PPP2R2B: variants seen among roughly 807,000 people sequenced by gnomAD.
The protein encoded by PPP2R2B is protein phosphatase 2 regulatory subunit Bbeta.
In PPP2R2B, 5 loss-of-function variants were observed where a neutral mutation model predicts 46.0. That is an observed-to-expected ratio of 0.11 (90% CI 0.06 to 0.23). The LOEUF is 0.23. Among genes scored for constraint, PPP2R2B ranks in the 10% least tolerant of loss-of-function variants. The probability of loss-of-function intolerance (pLI) is 1.00; values close to 1 mark genes in which losing one functional copy is unlikely to be tolerated. For synonymous variants in PPP2R2B, 215 were observed against 206.7 expected, an observed-to-expected ratio of 1.04 and a Z score of -0.34; for missense variants, 367 against 575.0, an observed-to-expected ratio of 0.64 and a Z score of 3.70.
At chr5:146,751,791 T>C (rs1220347200) in intron 2 of PPP2R2B, among the ~76,000 whole-genome samples, 1 of 152,146 alleles carries the variant, frequency 6.6e-6, no homozygotes, top group African/African-American at 2.4e-5. Context: ...GCAGGTCTTC[T>C]GGTGAACATA....
chr5:146,649,128 G>T (rs144604744), intron 6 of PPP2R2B, among the ~76,000 whole-genome samples: 2 of 152,176 alleles, frequency 1.3e-5, no homozygotes, highest in African/African-American at 4.8e-5. Flanking sequence ...AGTGTAGGTA[G>T]GTAGATAGGG....
chr5:146,867,975 T>A (rs924332878), intron 2 of PPP2R2B, among the ~76,000 whole-genome samples: 8 of 152,180 alleles, frequency 5.3e-5, no homozygotes, highest in Non-Finnish European at 2.9e-5. Context: ...CCATGGAGTA[T>A]AAAATAACAG....
chr5:146,925,214 C>A (rs920829556), intron 1 of PPP2R2B, among the ~76,000 whole-genome samples: 1 of 152,164 alleles, frequency 6.6e-6, no homozygotes, highest in Non-Finnish European at 1.5e-5. Context: ...ATCTTTTATA[C>A]TAACATAGTT....
At chr5:146,657,719 A>G (rs1031461726) in intron 5 of PPP2R2B, among the ~76,000 whole-genome samples, 1 of 152,160 alleles carries the variant, frequency 6.6e-6, no homozygotes. Flanking sequence ...TCAAGGCCCC[A>G]TAGACGACCC....
intron 1 of PPP2R2B, among the ~76,000 whole-genome samples, chr5:146,934,582 A>AG (rs1764078820): frequency 7.4e-6 from 1 of 135,020 alleles, no homozygotes; most frequent in Non-Finnish European, 1.6e-5. Flanking sequence ...GTTTTTCATA[A>AG]GAAAAAAAAA....
chr5:146,799,468 A>G (rs161039), intron 2 of PPP2R2B, among the ~76,000 whole-genome samples: 44,918 of 152,072 alleles, frequency 0.3, 7,376 homozygotes, highest in East Asian at 0.62. Flanking sequence ...CAAAATATAC[A>G]GTTTTGTAAG....
At chr5:146,756,701 T>C (rs1251634408) in intron 2 of PPP2R2B, among the ~76,000 whole-genome samples, 1 of 152,242 alleles carries the variant, frequency 6.6e-6, no homozygotes, top group Non-Finnish European at 1.5e-5. Flanking sequence ...AGTACCAGCA[T>C]CACATGGTTT....
chr5:146,876,746 T>A (rs1473690753), intron 2 of PPP2R2B, among the ~76,000 whole-genome samples: 1 of 152,162 alleles, frequency 6.6e-6, no homozygotes, highest in Non-Finnish European at 1.5e-5. Context: ...CTTGATGCTC[T>A]CCAAAAATGA....
rs569017484 is a variant in PPP2R2B at position 146,707,603 on chromosome 5, G to A, written c.71-6461C>T. Reference sequence around the variant, plus strand: ...CTTCTGCACCCTGATGGACATGGTGGAGGCAGGAGTGGAGGCAGGCGGGCT... The same window carrying A: ...CTTCTGCACCCTGATGGACATGGTGAAGGCAGGAGTGGAGGCAGGCGGGCT... On this transcript the variant is annotated intron_variant, in intron 2 of 9. Transcript: ENST00000394411. The A allele has an allele frequency of 2.4e-5, 16 of 658,242 alleles. No individual in the cohort carries two copies. The South Asian group carries it at 2.8e-4, about 11-fold the overall frequency. 40.8% of individuals were successfully genotyped at this position (658,242 alleles called of 1,614,324 possible).
At chr5:147,038,022 G>T (rs1022408642) in intron 1 of PPP2R2B, among the ~76,000 whole-genome samples, 1 of 152,074 alleles carries the variant, frequency 6.6e-6, no homozygotes, top group South Asian at 2.1e-4. Flanking sequence ...TGCCCTCCTG[G>T]GTCACGGAGA....
Position 147,079,399 on chromosome 5 carries a change from AATAT to A in PPP2R2B, c.50+1656_50+1659del, listed in dbSNP as rs1405786818. On this transcript the variant is annotated intron_variant, in intron 2 of 10. Coordinates refer to the PPP2R2B transcript ENST00000394413. ...ATATGTGATATAAAATGGGATATAT[AATAT>A]ATATAATATACACACAAACACACAC... Among the ~76,000 whole-genome samples the A allele has an allele frequency of 3.5e-5, 5 of 143,808 alleles. 1 individual carries two copies. In the East Asian group the frequency reaches 1.0e-3, roughly 29 times the overall value. The allele number at this position is 143,808 out of a possible 152,430, so 94.3% of individuals were successfully genotyped here. A position where few individuals can be genotyped will look rare whatever the true frequency, so the allele number is the denominator to read the frequency against.
chr5:146,710,220 C>T (rs982244853), intron 2 of PPP2R2B, among the ~76,000 whole-genome samples: 2 of 152,170 alleles, frequency 1.3e-5, no homozygotes, highest in African/African-American at 4.8e-5. Flanking sequence ...GGGACCTAGC[C>T]ACACCCTCTT....
intron 1 of PPP2R2B, chr5:147,054,706 A>G (rs1427930336): frequency 4.4e-6 from 2 of 456,192 alleles, no homozygotes; most frequent in African/African-American, 2.0e-5. Context: ...GCTGGTCGCC[A>G]GCTCAGTTCC....
At chr5:146,681,380 A>G (rs1446022019) in intron 5 of PPP2R2B, among the ~76,000 whole-genome samples, 1 of 152,198 alleles carries the variant, frequency 6.6e-6, no homozygotes, top group Non-Finnish European at 1.5e-5. Flanking sequence ...GTTGTATGCC[A>G]TGTACATGCC....
At chr5:146,736,523 C>A (rs577501141) in intron 2 of PPP2R2B, among the ~76,000 whole-genome samples, 1 of 152,248 alleles carries the variant, frequency 6.6e-6, no homozygotes, top group South Asian at 2.1e-4. Flanking sequence ...GACATCCAAA[C>A]CTCATATGTC....
At chr5:147,070,418 A>G (rs1404389827) in intron 2 of PPP2R2B, among the ~76,000 whole-genome samples, 1 of 152,234 alleles carries the variant, frequency 6.6e-6, no homozygotes, top group Non-Finnish European at 1.5e-5. Flanking sequence ...GCAAAAAACC[A>G]GGAACCACCC....
At chr5:147,033,294 A>T (rs1162307206) in intron 1 of PPP2R2B, among the ~76,000 whole-genome samples, 2 of 152,058 alleles carry the variant, frequency 1.3e-5, no homozygotes, top group African/African-American at 4.8e-5. Flanking sequence ...TATACCTCTC[A>T]TTCTGTTCTC....
intron 5 of PPP2R2B, among the ~76,000 whole-genome samples, chr5:146,666,019 G>T (rs1247001244): frequency 1.3e-5 from 2 of 152,148 alleles, no homozygotes; most frequent in East Asian, 3.8e-4. Flanking sequence ...ATAAAACAAG[G>T]TATGGCTGTA....
intron 2 of PPP2R2B, among the ~76,000 whole-genome samples, chr5:146,731,155 A>T (rs1752205451): frequency 6.6e-6 from 1 of 152,206 alleles, no homozygotes; most frequent in Admixed American, 6.5e-5. Flanking sequence ...CATAAATAAA[A>T]TGTTGTATGT....
Sources: allele counts gnomAD v4.1 joint callset (sites outside exome capture counted in the v4.1 genomes callset), GRCh38; gene constraint gnomAD v4.1.1; transcripts MANE v1.5; gene names NCBI Gene and HGNC (gene_info 2026-07-23, HGNC 2026-07-21).